The following TMEM156 variants were observed in gnomAD, a reference collection of about 807,000 sequenced individuals.
TMEM156 encodes transmembrane protein 156.
In TMEM156, 28 loss-of-function variants were observed where a neutral mutation model predicts 30.5. The observed-to-expected ratio is 0.92, with a 90% CI of 0.68 to 1.26. TMEM156 has a LOEUF of 1.26. Ranked by LOEUF, TMEM156 falls within the 50% of genes most tolerant of loss-of-function variation. The pLI, the probability that TMEM156 is intolerant of heterozygous loss-of-function variation, is 0.00. For missense variants in TMEM156, 351 were observed against 340.6 expected, an observed-to-expected ratio of 1.03 and a Z score of -0.24; for synonymous variants, 137 against 119.9, an observed-to-expected ratio of 1.14 and a Z score of -0.93.
At chr4:38,991,228 T>TTTTC (rs1712440111) in intron 3 of TMEM156, among the ~76,000 whole-genome samples, 1 of 124,980 alleles carries the variant, frequency 8.0e-6, no homozygotes, top group African/African-American at 3.6e-5. Flanking sequence ...TTTTCTTTTC[T>TTTTC]TTTTTTTTTT....
At chr4:38,983,717 G>A (rs533915243) in intron 5 of TMEM156, among the ~76,000 whole-genome samples, 76 of 152,268 alleles carry the variant, frequency 5.0e-4, no homozygotes, top group African/African-American at 1.8e-3. Context: ...ACTTTTGCAT[G>A]TTTTTCAAAA....
chr4:38,971,626 G>A (rs1028326222), intron 5 of TMEM156, among the ~76,000 whole-genome samples: 4 of 152,066 alleles, frequency 2.6e-5, no homozygotes, highest in African/African-American at 7.2e-5. Flanking sequence ...AGCTGACTTC[G>A]AGGTGGAAGA....
rs1413069678 is a variant in TMEM156 at position 39,021,268 on chromosome 4, G to T, written c.88+10958C>A. ...AAAAATTTAAAAATTAGCCAGTGTG[G>T]TGACCCACACTTGCAGTCTTAGCTA... On this transcript the variant is annotated intron_variant, in intron 1 of 6. Transcript: ENST00000381938. 2.6e-5 allele frequency among the ~76,000 whole-genome samples: 4 copies of T among 151,720 alleles called. 1 individual carries two copies. Among genetic ancestry groups the T allele is most frequent in the South Asian group, 4.2e-4 (2 of 4,806 alleles).
chr4:38,997,555 TC>T (rs1203279554), intron 2 of TMEM156, among the ~76,000 whole-genome samples: 1 of 152,212 alleles, frequency 6.6e-6, no homozygotes, highest in Non-Finnish European at 1.5e-5. Context: ...AATTTCAGTA[TC>T]TAGTGATAAG....
At chr4:38,994,096 A>C (rs910407393) in intron 2 of TMEM156, 98 bp from the exon 3 acceptor site, 22 of 1,093,572 alleles carry the variant, frequency 2.0e-5, no homozygotes, top group Non-Finnish European at 2.8e-5. Context: ...CTATACAAGA[A>C]AGTAGAAACA....
At chr4:39,019,034 A>G (rs5008981) in intron 1 of TMEM156, among the ~76,000 whole-genome samples, 54,634 of 139,498 alleles carry the variant, frequency 0.39, 10,757 homozygotes, top group Admixed American at 0.5. Flanking sequence ...AAAACAAAAC[A>G]AAAAAAAAAA....
rs1194096991 is a variant in TMEM156, at chr4:38,984,333, GTC to G, written c.823+2001_823+2002del. Reference sequence around the variant, plus strand: ...TCTCTCTCTCTCTCTCTTTCTCTCTGTCTCTCTCTCTCTCTCTGTGTGTGTGT... The same window carrying G: ...TCTCTCTCTCTCTCTCTTTCTCTCTGTCTCTCTCTCTCTCTGTGTGTGTGT... On this transcript the variant is annotated intron_variant, in intron 5 of 6. Coordinates refer to ENST00000381938, the MANE Select transcript of TMEM156 (RefSeq NM_024943.3). 7.9e-3 allele frequency among the ~76,000 whole-genome samples: 1,116 copies of G among 141,860 alleles called. 14 individuals carry two copies. Among genetic ancestry groups the G allele is most frequent in the African/African-American group, 0.026 (982 of 37,462 alleles). The allele number at this position is 141,860 out of a possible 152,430, so 93.1% of individuals were successfully genotyped here.
At chr4:38,991,857 A>G (rs1712490567) in intron 3 of TMEM156, among the ~76,000 whole-genome samples, 2 of 152,128 alleles carry the variant, frequency 1.3e-5, no homozygotes, top group South Asian at 2.1e-4. Context: ...TCTCTAGGCA[A>G]TCTTTCCAGA....
intron 5 of TMEM156, among the ~76,000 whole-genome samples, chr4:38,977,449 C>T (rs1250188056): frequency 6.6e-6 from 1 of 152,112 alleles, no homozygotes; most frequent in Non-Finnish European, 1.5e-5. Context: ...TTTCAGTATC[C>T]AAAGTCATGT....
At chr4:38,972,242 A>ATTTTTTTTTTTTTT (rs144479056) in intron 5 of TMEM156, among the ~76,000 whole-genome samples, 7 of 75,858 alleles carry the variant, frequency 9.2e-5, no homozygotes, top group East Asian at 8.7e-4. Context: ...TTCTCTGGGA[A>ATTTTTTTTTTTTTT]TTTTTTTTTT....
chr4:39,009,156 A>T (rs1713939482), intron 1 of TMEM156, among the ~76,000 whole-genome samples: 1 of 152,132 alleles, frequency 6.6e-6, no homozygotes, highest in Non-Finnish European at 1.5e-5. Flanking sequence ...AGGAAAATGG[A>T]TAAATTTCTG....
At position 39,022,564 on chromosome 4, in the gene TMEM156, A is replaced by C. The variant is rs186760277; in HGVS notation, c.88+9662T>G. On this transcript the variant is annotated intron_variant, in intron 1 of 6. Transcript: ENST00000381938. ...TTTAACTCTACATTTCTAAAGTTTT[A>C]AATACATTTTATTTCACATTTTTAG... is the stretch of plus-strand genomic sequence containing the variant. Among the ~76,000 whole-genome samples the C allele has an allele frequency of 2.0e-3, 303 of 152,322 alleles. 1 individual carries two copies. Among genetic ancestry groups the C allele is most frequent in the African/African-American group, 7.0e-3 (291 of 41,574 alleles).
rs113159032 is a variant in TMEM156 at position 38,994,567 on chromosome 4, A to G, written c.359-569T>C. On this transcript the variant is annotated intron_variant, in intron 2 of 6. Coordinates refer to ENST00000381938, the MANE Select transcript of TMEM156 (RefSeq NM_024943.3). ...TGGGACAGACTGTATTGTGTGACCAATATGGTCACAACAATATTTCCCATT... is the reference window on the plus strand; with the variant it reads ...TGGGACAGACTGTATTGTGTGACCAGTATGGTCACAACAATATTTCCCATT... 8.8e-3 allele frequency among the ~76,000 whole-genome samples: 1,334 copies of G among 152,318 alleles called. 26 individuals are homozygous for G. Among genetic ancestry groups the G allele is most frequent in the African/African-American group, 0.029 (1,211 of 41,568 alleles).
intron 2 of TMEM156, among the ~76,000 whole-genome samples, chr4:38,994,364 G>A (rs1712770571): frequency 6.6e-6 from 1 of 152,098 alleles, no homozygotes; most frequent in South Asian, 2.1e-4. Context: ...GGACTCAAGG[G>A]ATCCTCCCTC....
chr4:38,968,993 GGTTT>G (rs1162431858), intron 6 of TMEM156, among the ~76,000 whole-genome samples: 1 of 152,018 alleles, frequency 6.6e-6, no homozygotes, highest in African/African-American at 2.4e-5. Context: ...GCAAAGTTGG[GGTTT>G]GTTTGTACAA....
chr4:38,970,379 A>G (rs939469179), intron 6 of TMEM156, among the ~76,000 whole-genome samples: 3 of 152,076 alleles, frequency 2.0e-5, no homozygotes, highest in African/African-American at 7.2e-5. Context: ...TAGGACCTTG[A>G]CTGAAAAACC....
At chr4:38,982,407 A>T (rs970026381) in intron 5 of TMEM156, among the ~76,000 whole-genome samples, 18 of 152,144 alleles carry the variant, frequency 1.2e-4, no homozygotes, top group Admixed American at 3.9e-4. Flanking sequence ...AGTCAATGTT[A>T]TTTATGATTC....
intron 1 of TMEM156, among the ~76,000 whole-genome samples, chr4:39,001,451 A>T (rs188995320): frequency 6.6e-6 from 1 of 151,462 alleles, no homozygotes; most frequent in Non-Finnish European, 1.5e-5. Flanking sequence ...TTTATGTAGC[A>T]TCTTCACCAT....
chr4:39,022,801 G>T (rs973844719), intron 1 of TMEM156, among the ~76,000 whole-genome samples: 2 of 152,124 alleles, frequency 1.3e-5, no homozygotes, highest in African/African-American at 4.8e-5. Context: ...TCATTAACTA[G>T]TTGTCAGGGA....
Sources: gnomAD v4.1 joint callset for allele counts (sites outside exome capture counted in the v4.1 genomes callset) on GRCh38, gnomAD v4.1.1 for gene constraint, MANE v1.5 for transcripts, NCBI Gene and HGNC (gene_info 2026-07-23, HGNC 2026-07-21) for gene names.